ANK2: variants seen among roughly 807,000 people sequenced by gnomAD.
The protein encoded by ANK2 is ankyrin 2, also known as ankyrin-2.
A neutral mutation model predicts 360.5 loss-of-function variants in ANK2; 83 were observed. That is an observed-to-expected ratio of 0.23 (90% CI 0.19 to 0.28). The LOEUF is 0.28. Among genes scored for constraint, ANK2 ranks in the 10% least tolerant of loss-of-function variants. The probability of loss-of-function intolerance (pLI) is 1.00; values close to 1 mark genes in which losing one functional copy is unlikely to be tolerated. For missense variants in ANK2, 4,201 were observed against 4,795.7 expected (o/e 0.88, Z 3.66); for synonymous variants, 1,740 against 1,759.5 (o/e 0.99, Z 0.28).
At chr4:113,110,916 G>A (rs779788322) in intron 1 of ANK2, among the ~76,000 whole-genome samples, 2 of 152,084 alleles carry the variant, frequency 1.3e-5, no homozygotes, top group African/African-American at 2.4e-5. Context: ...TGATTTGGAT[G>A]TGCTCTAATA....
intron 1 of ANK2, among the ~76,000 whole-genome samples, chr4:113,128,404 C>A (rs573632990): frequency 6.8e-4 from 104 of 152,268 alleles, no homozygotes; most frequent in South Asian, 1.2e-3. Context: ...ACCATAGTCC[C>A]CCTTTTTATG....
At chr4:113,214,931 A>G (rs1267447695) in intron 4 of ANK2, among the ~76,000 whole-genome samples, 2 of 152,166 alleles carry the variant, frequency 1.3e-5, no homozygotes, top group Admixed American at 6.5e-5. Context: ...TGAACCAACA[A>G]TGTCATCAAA....
chr4:113,177,917 C>A (rs1309219015), intron 2 of ANK2, among the ~76,000 whole-genome samples: 2 of 152,150 alleles, frequency 1.3e-5, no homozygotes, highest in African/African-American at 4.8e-5. Context: ...AATGCTTATA[C>A]CCCTGGGTTG....
At chr4:113,072,095 A>C (rs188336090) in intron 1 of ANK2, 2 of 152,342 alleles carry the variant, frequency 1.3e-5, no homozygotes, top group Admixed American at 6.5e-5. Flanking sequence ...ACTACAATTC[A>C]AGATGAGATT....
intron 1 of ANK2, among the ~76,000 whole-genome samples, chr4:113,160,538 A>C (rs1053385994): frequency 6.6e-6 from 1 of 152,208 alleles, no homozygotes; most frequent in Non-Finnish European, 1.5e-5. Context: ...ATTCATATCG[A>C]CCAATGCTGC....
At chr4:113,260,530 G>T (rs919643229) in intron 13 of ANK2, among the ~76,000 whole-genome samples, 6 of 152,110 alleles carry the variant, frequency 3.9e-5, no homozygotes, top group African/African-American at 1.4e-4. Flanking sequence ...TGTAAGGTAG[G>T]TCCTTCAGGA....
rs1162415111 is a variant in ANK2 at position 113,156,873 on chromosome 4, G to GCA, written c.85-17543_85-17542insCA. Among the ~76,000 whole-genome samples, 32 of 145,528 alleles carry GCA rather than the reference G, an allele frequency of 2.2e-4. No individual in the cohort carries two copies. In the South Asian group the frequency reaches 6.4e-3, roughly 29 times the overall value. ...GAAATCATCATATATAAAAATATAT[G>GCA]TGTGTGTGACACACAAACAGATTTG... On this transcript the variant is annotated intron_variant, in intron 1 of 45. Transcript: ENST00000357077.
chr4:112,934,570 C>T (rs1020018648), intron 2 of ANK2, among the ~76,000 whole-genome samples: 1 of 152,096 alleles, frequency 6.6e-6, no homozygotes, highest in African/African-American at 2.4e-5. Context: ...CTCTTTCAGC[C>T]CCGCTTCCTC....
chr4:112,956,133 G>A (rs1466930911), intron 2 of ANK2, among the ~76,000 whole-genome samples: 1 of 152,204 alleles, frequency 6.6e-6, no homozygotes, highest in Non-Finnish European at 1.5e-5. Context: ...TGCAAACAGA[G>A]CACATTTCTG....
chr4:112,884,104 G>A (rs535081988), intron 1 of ANK2, among the ~76,000 whole-genome samples: 1 of 152,046 alleles, frequency 6.6e-6, no homozygotes, highest in African/African-American at 2.4e-5. Flanking sequence ...GTAATTATGA[G>A]AAACTTGAGA....
At chr4:113,085,141 A>G (rs1405240251) in intron 1 of ANK2, among the ~76,000 whole-genome samples, 2 of 152,222 alleles carry the variant, frequency 1.3e-5, no homozygotes, top group Non-Finnish European at 2.9e-5. Flanking sequence ...ATTTATAAAA[A>G]TGCCCACAAA....
chr4:112,863,817 C>T (rs999258784), intron 1 of ANK2, among the ~76,000 whole-genome samples: 9 of 152,078 alleles, frequency 5.9e-5, no homozygotes, highest in Admixed American at 2.0e-4. Flanking sequence ...CCACCGCGCC[C>T]GGCCTAGAGT....
At chr4:113,161,994 A>G (rs1562524543) in intron 1 of ANK2, among the ~76,000 whole-genome samples, 1 of 152,086 alleles carries the variant, frequency 6.6e-6, no homozygotes, top group Non-Finnish European at 1.5e-5. Flanking sequence ...TTAGCCTTGC[A>G]TTTTTAATTC....
At chr4:112,854,408 G>A (rs1343000382) in intron 1 of ANK2, among the ~76,000 whole-genome samples, 1 of 152,218 alleles carries the variant, frequency 6.6e-6, no homozygotes, top group Non-Finnish European at 1.5e-5. Flanking sequence ...TGAAGATAAT[G>A]CAGGCCAGAT....
the ANK2 span, among the ~76,000 whole-genome samples, chr4:112,790,756 G>C: frequency 6.6e-6 from 1 of 152,040 alleles, no homozygotes. Flanking sequence ...CAAAGTGCTG[G>C]GATTACAGGC....
At chr4:112,881,719 G>A (rs1441242677) in intron 1 of ANK2, 5 of 539,074 alleles carry the variant, frequency 9.3e-6, no homozygotes, top group South Asian at 2.4e-5. Flanking sequence ...CCATACACAC[G>A]AGCCACTGCC....
At chr4:113,141,474 G>A (rs1166110767) in intron 1 of ANK2, 4 of 152,176 alleles carry the variant, frequency 2.6e-5, no homozygotes, top group African/African-American at 9.7e-5. Context: ...TTCAGAGCTG[G>A]AAGGGATCCA....
chr4:113,235,578 GC>G (rs1188072334), intron 5 of ANK2, among the ~76,000 whole-genome samples: 3 of 151,908 alleles, frequency 2.0e-5, no homozygotes, highest in African/African-American at 7.3e-5. Context: ...ACAGGTGCAC[GC>G]CACCACATTC....
chr4:113,116,136 C>A (rs1328512169), intron 1 of ANK2, among the ~76,000 whole-genome samples: 1 of 152,100 alleles, frequency 6.6e-6, no homozygotes, highest in African/African-American at 2.4e-5. Context: ...ATTGAGCCTC[C>A]CTATTGGGTG....
Sources: gnomAD v4.1 joint callset for allele counts (sites outside exome capture counted in the v4.1 genomes callset) on GRCh38, gnomAD v4.1.1 for gene constraint, MANE v1.5 for transcripts, NCBI Gene and HGNC (gene_info 2026-07-23, HGNC 2026-07-21) for gene names.